The following CSMD3 variants were observed in gnomAD, a reference collection of about 807,000 sequenced individuals.
CSMD3 encodes the protein CUB and Sushi multiple domains 3.
Under a neutral mutation model 435.2 loss-of-function variants are expected in CSMD3, and 177 were observed. The observed-to-expected ratio is 0.41, with a 90% CI of 0.36 to 0.46. The LOEUF (loss-of-function observed/expected upper bound fraction) is 0.46. Ranked by LOEUF, CSMD3 falls within the 20% of genes least tolerant of loss-of-function variation. The probability of loss-of-function intolerance (pLI) is 0.34; values close to 1 mark genes in which losing one functional copy is unlikely to be tolerated. For synonymous variants in CSMD3, 1,656 were observed against 1,520.5 expected (o/e 1.09, Z -2.07); for missense variants, 4,265 against 4,504.6 (o/e 0.95, Z 1.52).
intron 1 of CSMD3, among the ~76,000 whole-genome samples, chr8:113,361,793 A>G (rs1172245851): frequency 1.3e-5 from 2 of 152,206 alleles, no homozygotes; most frequent in Admixed American, 1.3e-4. Context: ...AGCACAATTT[A>G]TAATATAAAT....
At chr8:113,284,221 T>C (rs997738463) in intron 2 of CSMD3, among the ~76,000 whole-genome samples, 3 of 151,994 alleles carry the variant, frequency 2.0e-5, no homozygotes, top group Admixed American at 2.0e-4. Context: ...TGTACCCCAA[T>C]ACTTATGGAA....
intron 19 of CSMD3, among the ~76,000 whole-genome samples, chr8:112,648,149 G>GT (rs1176024358): frequency 1.3e-5 from 2 of 152,106 alleles, no homozygotes; most frequent in African/African-American, 2.4e-5. Context: ...CTGTTTGTCT[G>GT]TTTCTCCCTT....
At chr8:112,507,236 T>C (rs914384803) in intron 28 of CSMD3, among the ~76,000 whole-genome samples, 1 of 152,162 alleles carries the variant, frequency 6.6e-6, no homozygotes, top group Non-Finnish European at 1.5e-5. Context: ...ATGAGACATA[T>C]AGCTTATTTT....
intron 1 of CSMD3, among the ~76,000 whole-genome samples, chr8:113,356,416 T>G (rs1311871382): frequency 6.6e-6 from 1 of 152,128 alleles, no homozygotes; most frequent in Non-Finnish European, 1.5e-5. Flanking sequence ...ATTGGTCAGC[T>G]TTTTTTGTGG....
intron 22 of CSMD3, among the ~76,000 whole-genome samples, chr8:112,590,944 T>C (rs1014821918): frequency 1.3e-5 from 2 of 152,072 alleles, no homozygotes; most frequent in Non-Finnish European, 2.9e-5. Flanking sequence ...TACAAAATAA[T>C]AAATGTAAAG....
At chr8:112,900,764 TG>T (rs2082091506) in intron 10 of CSMD3, among the ~76,000 whole-genome samples, 1 of 151,224 alleles carries the variant, frequency 6.6e-6, no homozygotes, top group Non-Finnish European at 1.5e-5. Context: ...GGCCAACTAA[TG>T]GGATTTTAGA....
At chr8:112,957,724 G>T (rs2084078150) in intron 7 of CSMD3, among the ~76,000 whole-genome samples, 1 of 147,228 alleles carries the variant, frequency 6.8e-6, no homozygotes, top group Non-Finnish European at 1.5e-5. Flanking sequence ...CTGGGAAACG[G>T]TGTAAACCCA....
chr8:112,576,769 A>G (rs946511159), intron 23 of CSMD3, among the ~76,000 whole-genome samples: 2 of 151,558 alleles, frequency 1.3e-5, no homozygotes, highest in African/African-American at 4.9e-5. Context: ...GACTAAAACT[A>G]TCTCCACACC....
At chr8:113,282,974 T>TA (rs1464063331) in intron 2 of CSMD3, among the ~76,000 whole-genome samples, 1 of 151,524 alleles carries the variant, frequency 6.6e-6, no homozygotes, top group East Asian at 1.9e-4. Context: ...AACAAAAACA[T>TA]AAAGTGGGGA....
intron 10 of CSMD3, among the ~76,000 whole-genome samples, chr8:112,899,599 TTATATATATATATATATA>T (rs71309794): frequency 9.3e-4 from 93 of 100,012 alleles, no homozygotes; most frequent in Non-Finnish European, 1.3e-3. Flanking sequence ...CTTGTCTATT[TTATATATATATATATATA>T]TATATATATA....
At chr8:112,817,331 T>G (rs1378305575) in intron 12 of CSMD3, among the ~76,000 whole-genome samples, 1 of 152,064 alleles carries the variant, frequency 6.6e-6, no homozygotes, top group African/African-American at 2.4e-5. Flanking sequence ...GGAAGTAATC[T>G]CAAGGCCAGT....
At position 112,943,678 on chromosome 8, in the gene CSMD3, G is replaced by A. The variant is rs2083519116; in HGVS notation, c.1508+4112C>T. Reference sequence around the variant, plus strand: ...ACCTTTCCATTTTTTATTCTTCTGGGTGATTTCCATATCTTATATGAGAAT... The same window carrying A: ...ACCTTTCCATTTTTTATTCTTCTGGATGATTTCCATATCTTATATGAGAAT... On this transcript the variant is annotated intron_variant, in intron 9 of 70. Coordinates refer to ENST00000297405, the MANE Select transcript of CSMD3 (RefSeq NM_198123.2). 2.0e-5 allele frequency among the ~76,000 whole-genome samples: 3 copies of A among 151,352 alleles called. No homozygotes were observed. In the South Asian group the frequency reaches 6.3e-4, roughly 32 times the overall value.
intron 1 of CSMD3, among the ~76,000 whole-genome samples, chr8:113,320,570 T>C (rs989383301): frequency 6.6e-6 from 1 of 152,148 alleles, no homozygotes. Flanking sequence ...TGACCAATTA[T>C]GTTGACATGA....
At chr8:112,937,319 T>C (rs2083309889) in intron 9 of CSMD3, among the ~76,000 whole-genome samples, 1 of 151,882 alleles carries the variant, frequency 6.6e-6, no homozygotes, top group Admixed American at 6.6e-5. Context: ...GTTATGCTTT[T>C]ATTACTCTTT....
chr8:112,757,633 C>T (rs1211306687), intron 13 of CSMD3, among the ~76,000 whole-genome samples: 1 of 151,792 alleles, frequency 6.6e-6, no homozygotes, highest in Non-Finnish European at 1.5e-5. Flanking sequence ...CTAAGAAGAG[C>T]AGTTGATTTT....
intron 7 of CSMD3, among the ~76,000 whole-genome samples, chr8:112,972,916 G>C (rs1312630352): frequency 6.6e-6 from 1 of 151,904 alleles, no homozygotes; most frequent in African/African-American, 2.4e-5. Flanking sequence ...AACCTTCCTA[G>C]AGGTAACAAT....
intron 5 of CSMD3, among the ~76,000 whole-genome samples, chr8:113,056,476 T>C (rs140796507): frequency 1.3e-3 from 191 of 152,358 alleles, no homozygotes; most frequent in Non-Finnish European, 2.3e-3. Context: ...GTTTCTAATA[T>C]GTATCTCAAA....
chr8:112,527,251 TA>T (rs1825069936), intron 27 of CSMD3, among the ~76,000 whole-genome samples: 1 of 151,322 alleles, frequency 6.6e-6, no homozygotes, highest in South Asian at 2.1e-4. Context: ...AACTTAAAAG[TA>T]AAAAGATGCT....
intron 6 of CSMD3, among the ~76,000 whole-genome samples, chr8:112,990,218 A>C (rs1329037183): frequency 6.6e-6 from 1 of 152,018 alleles, no homozygotes; most frequent in Non-Finnish European, 1.5e-5. Flanking sequence ...CTACCAGAAG[A>C]TAAATGGCAC....
Sources: allele counts gnomAD v4.1 joint callset (sites outside exome capture counted in the v4.1 genomes callset), GRCh38; gene constraint gnomAD v4.1.1; transcripts MANE v1.5; gene names NCBI Gene and HGNC (gene_info 2026-07-23, HGNC 2026-07-21).